SLIT3: variants seen among roughly 807,000 people sequenced by gnomAD.
The protein encoded by SLIT3 is slit guidance ligand 3.
In SLIT3, 68 loss-of-function variants were observed where a neutral mutation model predicts 184.0. The observed-to-expected ratio is 0.37, with a 90% CI of 0.30 to 0.45. SLIT3 has a LOEUF of 0.45. Ranked by LOEUF, SLIT3 falls within the 20% of genes least tolerant of loss-of-function variation. The pLI is 1.00. For synonymous variants in SLIT3, 831 were observed against 828.6 expected (o/e 1.00, Z -0.05); for missense variants, 1,707 against 2,026.0 (o/e 0.84, Z 3.02).
intron 3 of SLIT3, among the ~76,000 whole-genome samples, chr5:169,238,253 T>C (rs1433777683): frequency 1.3e-5 from 2 of 152,166 alleles, no homozygotes; most frequent in East Asian, 3.8e-4. Flanking sequence ...TTTCAAATCC[T>C]ACATTTCTCT....
chr5:169,248,989 A>G (rs1487176971), intron 2 of SLIT3, among the ~76,000 whole-genome samples: 1 of 152,138 alleles, frequency 6.6e-6, no homozygotes, highest in African/African-American at 2.4e-5. Flanking sequence ...TGGGTGGCCA[A>G]TTTTTCAAGA....
Position 168,785,963 on chromosome 5 carries a change from G to A in SLIT3, c.1095C>T (p.Asn365=). Residue 365 remains asparagine (N), a synonymous_variant, in exon 12 of 36, where the codon AAC becomes AAT. Transcript: ENST00000519560. ...GTCCCTTGACAATCTCGGTGATCTTGTTCCCATACAGGACCCTGAAAGAGA... is the reference window on the plus strand; with the variant it reads ...GTCCCTTGACAATCTCGGTGATCTTATTCCCATACAGGACCCTGAAAGAGA... The part of the protein sequence containing the change: ...KSLTSLVLYG[N]KITEIVKGLF... The A allele has an allele frequency of 6.2e-7, 1 of 1,611,706 alleles. No homozygotes were observed. The highest frequency in any genetic ancestry group is 1.1e-5 in the South Asian group (1 of 90,982).
intron 1 of SLIT3, among the ~76,000 whole-genome samples, chr5:169,299,609 AGGAGCCCACCCC>A (rs1437554765): frequency 6.6e-6 from 1 of 151,950 alleles, no homozygotes; most frequent in Non-Finnish European, 1.5e-5. Flanking sequence ...GCGGACTAAG[AGGAGCCCACCCC>A]GGAGTCCAAG....
At chr5:169,125,672 T>C (rs1475217830) in intron 4 of SLIT3, among the ~76,000 whole-genome samples, 2 of 152,186 alleles carry the variant, frequency 1.3e-5, no homozygotes, top group African/African-American at 4.8e-5. Flanking sequence ...CAGCTTGTTC[T>C]GCACCCCTCT....
intron 4 of SLIT3, among the ~76,000 whole-genome samples, chr5:169,059,872 G>GAT (rs1561637283): frequency 1.3e-5 from 2 of 152,216 alleles, no homozygotes; most frequent in African/African-American, 4.8e-5. Context: ...TGCCCAAAGT[G>GAT]ATATGTTAAG....
chr5:168,806,614 C>T (rs774838143), intron 8 of SLIT3, 27 bp from the exon 9 acceptor site: 8 of 1,612,978 alleles, frequency 5.0e-6, no homozygotes, highest in Non-Finnish European at 6.8e-6. Flanking sequence ...CAACGGTCAA[C>T]TTATGTCAGT....
chr5:168,704,336 C>CTT (rs1762313808), intron 26 of SLIT3, among the ~76,000 whole-genome samples: 1 of 138,708 alleles, frequency 7.2e-6, no homozygotes, highest in African/African-American at 3.5e-5. Flanking sequence ...TCTACTGAAT[C>CTT]CTGGCACTGA....
At chr5:168,886,019 C>T (rs1760192046) in intron 4 of SLIT3, among the ~76,000 whole-genome samples, 2 of 152,178 alleles carry the variant, frequency 1.3e-5, no homozygotes, top group Non-Finnish European at 2.9e-5. Flanking sequence ...ATATAACCAG[C>T]CTTGCTCCTA....
intron 6 of SLIT3, among the ~76,000 whole-genome samples, chr5:168,824,815 TCCCTACTGGCCC>T (rs1757646842): frequency 6.6e-6 from 1 of 152,150 alleles, no homozygotes; most frequent in South Asian, 2.1e-4. Context: ...CCTCCATGGG[TCCCTACTGGCCC>T]AGGAAGGACC....
intron 6 of SLIT3, among the ~76,000 whole-genome samples, chr5:168,833,407 A>AG (rs1348069390): frequency 6.6e-6 from 1 of 152,168 alleles, no homozygotes; most frequent in Non-Finnish European, 1.5e-5. Flanking sequence ...AGCAATGGGC[A>AG]GGGGACTCCA....
At chr5:168,852,197 A>G (rs1758704464) in intron 5 of SLIT3, among the ~76,000 whole-genome samples, 1 of 152,226 alleles carries the variant, frequency 6.6e-6, no homozygotes, top group Non-Finnish European at 1.5e-5. Context: ...GCAGAGGCGC[A>G]GGAGGGAGGA....
At chr5:169,053,638 A>G (rs1176784951) in intron 4 of SLIT3, among the ~76,000 whole-genome samples, 5 of 152,116 alleles carry the variant, frequency 3.3e-5, no homozygotes, top group Admixed American at 6.5e-5. Context: ...AAGCATTTAC[A>G]TCTGTTTAGT....
intron 4 of SLIT3, among the ~76,000 whole-genome samples, chr5:169,091,230 T>C (rs1424441803): frequency 2.2e-4 from 34 of 152,204 alleles, no homozygotes; most frequent in Admixed American, 2.2e-3. Flanking sequence ...TTTCTAGTCA[T>C]CTAGGCAGAC....
chr5:168,674,690 C>T (rs1301073899), intron 32 of SLIT3, among the ~76,000 whole-genome samples: 4 of 151,908 alleles, frequency 2.6e-5, no homozygotes, highest in Non-Finnish European at 5.9e-5. Context: ...GGGGTTTTCA[C>T]CATGTTGGCC....
chr5:168,951,008 G>A (rs1379941063), intron 4 of SLIT3, among the ~76,000 whole-genome samples: 1 of 152,210 alleles, frequency 6.6e-6, no homozygotes, highest in Non-Finnish European at 1.5e-5. Flanking sequence ...ATTACTTGAG[G>A]TCAGGAGTTG....
At chr5:168,896,885 G>A (rs918682208) in intron 4 of SLIT3, among the ~76,000 whole-genome samples, 14 of 152,202 alleles carry the variant, frequency 9.2e-5, no homozygotes, top group African/African-American at 1.9e-4. Flanking sequence ...CTTCTGTGCC[G>A]GCTCAGGGCA....
At position 168,669,837 on chromosome 5, in the gene SLIT3, C is replaced by T. The variant is rs2113165952; in HGVS notation, c.4282G>A (p.Gly1428Arg). ...HHGQCHISDQ[G>R]EPYCLCQPGF... ...GGCTGGCACAGGCAGTAGGGCTCCC[C>T]TTGGTCTGAGATGTGGCACTGCCCA... is the stretch of plus-strand genomic sequence containing the variant. Residue 1428 changes from glycine to arginine, a missense_variant, in exon 35 of 36, where the codon GGG becomes AGG. Physicochemically the swap from Gly to Arg is moderately radical, Grantham distance 125 (BLOSUM62 -2). Transcript: ENST00000519560. 1 of 1,614,166 alleles carries T rather than the reference C, an allele frequency of 6.2e-7. No individual in the cohort carries two copies. Among genetic ancestry groups the T allele is most frequent in the East Asian group, 2.2e-5 (1 of 44,878 alleles).
chr5:169,229,388 G>A (rs908201693), intron 3 of SLIT3, among the ~76,000 whole-genome samples: 3 of 152,206 alleles, frequency 2.0e-5, no homozygotes, highest in Non-Finnish European at 2.9e-5. Context: ...ACGATAACTC[G>A]CATTGTTTTG....
chr5:168,989,444 A>C (rs1388164609), intron 4 of SLIT3, among the ~76,000 whole-genome samples: 1 of 152,226 alleles, frequency 6.6e-6, no homozygotes, highest in African/African-American at 2.4e-5. Context: ...GCAAACTTTC[A>C]GGTGGGATTT....
Sources: gnomAD v4.1 joint callset for allele counts (sites outside exome capture counted in the v4.1 genomes callset) on GRCh38, gnomAD v4.1.1 for gene constraint, MANE v1.5 for transcripts, NCBI Gene and HGNC (gene_info 2026-07-23, HGNC 2026-07-21) for gene names.